The following LRRC4C variants were observed in gnomAD, a reference collection of about 807,000 sequenced individuals.
The protein encoded by LRRC4C is leucine-rich repeat-containing protein 4C.
Under a neutral mutation model 33.6 loss-of-function variants are expected in LRRC4C, and 5 were observed. That is an observed-to-expected ratio of 0.15 (90% CI 0.08 to 0.31). LRRC4C has a LOEUF of 0.31. LRRC4C is among the 10% of genes least tolerant of loss of function. LRRC4C has a pLI of 1.00. For missense variants in LRRC4C, 560 were observed against 796.7 expected (o/e 0.70, Z 3.58); for synonymous variants, 329 against 302.0 (o/e 1.09, Z -0.93).
intron 3 of LRRC4C, among the ~76,000 whole-genome samples, chr11:40,567,420 C>G (rs999652483): frequency 1.2e-4 from 19 of 152,148 alleles, no homozygotes; most frequent in African/African-American, 4.6e-4. Context: ...CAAATGTTAT[C>G]TCTTTTAATC....
rs114283571 is a variant in LRRC4C at position 40,234,657 on chromosome 11, G to C, written c.-96+6862C>G. 2.0e-3 allele frequency among the ~76,000 whole-genome samples: 311 copies of C among 152,280 alleles called. 2 individuals carry two copies. The highest frequency in any genetic ancestry group is 7.2e-3 in the African/African-American group (301 of 41,564). ...ATGTTGGCACACGCATGTGGTCCCA[G>C]CTAGTTAGGAGGCTGAGATGGGAGG... is the stretch of plus-strand genomic sequence containing the variant. On this transcript the variant is annotated intron_variant, in intron 5 of 6. Coordinates refer to ENST00000528697, the MANE Select transcript of LRRC4C (RefSeq NM_001258419.2).
In LRRC4C at chr11:41,120,765, A is replaced by C. The variant is rs528854149; in HGVS notation, c.-495-187042T>G. 2.0e-5 allele frequency among the ~76,000 whole-genome samples: 3 copies of C among 152,282 alleles called. No homozygotes were observed. The South Asian group carries it at 6.2e-4, about 32-fold the overall frequency. ...CCAAATCTCATGTTGAATTGTAATT[A>C]CCAATGTTGGAGGAGGGACCTGGTG... On this transcript the variant is annotated intron_variant, in intron 1 of 6. Transcript: ENST00000528697.
chr11:40,848,520 G>C (rs1484290181), intron 2 of LRRC4C, among the ~76,000 whole-genome samples: 1 of 151,734 alleles, frequency 6.6e-6, no homozygotes, highest in Non-Finnish European at 1.5e-5. Context: ...AGTTTTTTAT[G>C]ATTTCCATTC....
chr11:41,366,233 GATA>G (rs1952537927), intron 1 of LRRC4C, among the ~76,000 whole-genome samples: 1 of 144,944 alleles, frequency 6.9e-6, no homozygotes, highest in Admixed American at 6.7e-5. Flanking sequence ...TAGATAGATA[GATA>G]GATAGATAGG....
intron 5 of LRRC4C, among the ~76,000 whole-genome samples, chr11:40,207,558 T>C (rs1863251590): frequency 6.6e-6 from 1 of 152,154 alleles, no homozygotes; most frequent in South Asian, 2.1e-4. Context: ...GCAATGATCA[T>C]GCCACTGCCA....
chr11:41,079,341 G>A (rs1173751135), intron 1 of LRRC4C, among the ~76,000 whole-genome samples: 1 of 152,174 alleles, frequency 6.6e-6, no homozygotes, highest in African/African-American at 2.4e-5. Context: ...GAAGGAGGGT[G>A]ACAAGGCATG....
At position 41,148,326 on chromosome 11, in the gene LRRC4C, G is replaced by A. The variant is rs191441034; in HGVS notation, c.-495-214603C>T. Among the ~76,000 whole-genome samples the A allele has an allele frequency of 6.3e-3, 955 of 152,234 alleles. 6 individuals are homozygous for A. Among genetic ancestry groups the A allele is most frequent in the Non-Finnish European group, 9.8e-3 (666 of 68,020 alleles). On this transcript the variant is annotated intron_variant, in intron 1 of 6. Coordinates refer to ENST00000528697, the MANE Select transcript of LRRC4C (RefSeq NM_001258419.2). ...GAAATTCTTGAGCCCTAGTGGTTGA[G>A]GCTGCAGTGAGCCATGATCACAACA...
intron 1 of LRRC4C, among the ~76,000 whole-genome samples, chr11:41,175,598 T>C (rs1418549179): frequency 6.6e-6 from 1 of 151,982 alleles, no homozygotes; most frequent in Non-Finnish European, 1.5e-5. Context: ...ACCAGAGCAA[T>C]TCAATGGCCA....
chr11:41,328,704 T>G (rs1591279643), intron 1 of LRRC4C, among the ~76,000 whole-genome samples: 1 of 152,274 alleles, frequency 6.6e-6, no homozygotes, highest in East Asian at 1.9e-4. Context: ...TATTTGAGGT[T>G]TTTCACAAGG....
At chr11:41,414,826 AAAAAAGAAAAAG>A (rs906431074) in intron 1 of LRRC4C, among the ~76,000 whole-genome samples, 8 of 152,138 alleles carry the variant, frequency 5.3e-5, no homozygotes, top group African/African-American at 1.4e-4. Context: ...TGGTACTCTA[AAAAAAGAAAAAG>A]AAAAAGAAAA....
chr11:40,481,732 T>A (rs1318409029), intron 3 of LRRC4C, among the ~76,000 whole-genome samples: 1 of 152,204 alleles, frequency 6.6e-6, no homozygotes, highest in Non-Finnish European at 1.5e-5. Flanking sequence ...TTTTCTTTGT[T>A]ATGTTCTTTT....
chr11:40,157,669 A>T (rs1053526112), intron 5 of LRRC4C, among the ~76,000 whole-genome samples: 2 of 152,206 alleles, frequency 1.3e-5, no homozygotes, highest in South Asian at 4.1e-4. Flanking sequence ...GCTCAACATC[A>T]TTAATGATCA....
chr11:40,973,596 G>T (rs371430463), intron 1 of LRRC4C, among the ~76,000 whole-genome samples: 4 of 151,904 alleles, frequency 2.6e-5, no homozygotes, highest in Non-Finnish European at 5.9e-5. Flanking sequence ...AATATAATAT[G>T]GCAAAGTAAG....
At chr11:41,397,863 A>T (rs1185297659) in intron 1 of LRRC4C, among the ~76,000 whole-genome samples, 2 of 152,000 alleles carry the variant, frequency 1.3e-5, no homozygotes, top group Non-Finnish European at 2.9e-5. Flanking sequence ...AGAAGATAGA[A>T]AATTATTATT....
At chr11:40,639,251 A>C (rs1419097769) in intron 3 of LRRC4C, among the ~76,000 whole-genome samples, 1 of 152,148 alleles carries the variant, frequency 6.6e-6, no homozygotes, top group African/African-American at 2.4e-5. Context: ...TCTTTTGCCA[A>C]ATCAAATGAA....
intron 1 of LRRC4C, among the ~76,000 whole-genome samples, chr11:41,139,432 T>C (rs945112833): frequency 4.6e-5 from 7 of 152,216 alleles, no homozygotes; most frequent in African/African-American, 1.4e-4. Flanking sequence ...TAATTGGCTA[T>C]GAGCAAAATG....
chr11:40,192,935 G>A (rs1861963165), intron 5 of LRRC4C, among the ~76,000 whole-genome samples: 1 of 152,216 alleles, frequency 6.6e-6, no homozygotes, highest in South Asian at 2.1e-4. Context: ...ATCTCTGAAA[G>A]AAAGGCAGCA....
At chr11:40,335,449 C>G (rs1313921066) in intron 3 of LRRC4C, among the ~76,000 whole-genome samples, 3 of 151,820 alleles carry the variant, frequency 2.0e-5, no homozygotes, top group Non-Finnish European at 4.4e-5. Flanking sequence ...ATGAAATAGC[C>G]AAAACAATAG....
At chr11:40,534,565 A>G (rs1956397499) in intron 3 of LRRC4C, among the ~76,000 whole-genome samples, 1 of 152,132 alleles carries the variant, frequency 6.6e-6, no homozygotes, top group Non-Finnish European at 1.5e-5. Context: ...TAAAATGTAA[A>G]TAACACATAG....
Sources: allele counts gnomAD v4.1 joint callset (sites outside exome capture counted in the v4.1 genomes callset), GRCh38; gene constraint gnomAD v4.1.1; transcripts MANE v1.5; gene names NCBI Gene and HGNC (gene_info 2026-07-23, HGNC 2026-07-21).